RBFOX1: variants seen among roughly 807,000 people sequenced by gnomAD.
The protein encoded by RBFOX1 is RNA binding protein fox-1 homolog 1.
RBFOX1 carries 8 observed loss-of-function variants against 57.7 expected under a neutral mutation model. The ratio of observed to expected loss-of-function variants is 0.14; its 90% CI spans 0.08 to 0.25. RBFOX1 has a LOEUF of 0.25. Among genes scored for constraint, RBFOX1 ranks in the 10% least tolerant of loss-of-function variants. RBFOX1 has a pLI of 1.00. For synonymous variants in RBFOX1, 326 were observed against 222.4 expected, an observed-to-expected ratio of 1.47 and a Z score of -4.15; for missense variants, 611 against 548.5, an observed-to-expected ratio of 1.11 and a Z score of -1.14.
intron 4 of RBFOX1, among the ~76,000 whole-genome samples, chr16:7,242,666 T>A (rs2094124738): frequency 6.6e-6 from 1 of 152,182 alleles, no homozygotes; most frequent in Non-Finnish European, 1.5e-5. Flanking sequence ...CCAACATCCG[T>A]GCTTCGTGAT....
intron 3 of RBFOX1, among the ~76,000 whole-genome samples, chr16:6,840,374 C>A (rs2093391790): frequency 6.6e-6 from 1 of 152,152 alleles, no homozygotes; most frequent in Non-Finnish European, 1.5e-5. Flanking sequence ...TTTCAGGATT[C>A]CTGCGTTGGT....
intron 4 of RBFOX1, among the ~76,000 whole-genome samples, chr16:5,972,421 C>T (rs1035900664): frequency 6.6e-6 from 1 of 152,184 alleles, no homozygotes; most frequent in Non-Finnish European, 1.5e-5. Context: ...TTGAAAGAAA[C>T]CTCTCATTAT....
At chr16:7,450,950 T>C (rs1027992063) in intron 4 of RBFOX1, among the ~76,000 whole-genome samples, 1 of 152,170 alleles carries the variant, frequency 6.6e-6, no homozygotes. Flanking sequence ...GGAAGAGGCC[T>C]CTGCACATGA....
chr16:5,957,804 T>C (rs1341537781), intron 4 of RBFOX1, among the ~76,000 whole-genome samples: 2 of 152,178 alleles, frequency 1.3e-5, no homozygotes, highest in African/African-American at 2.4e-5. Flanking sequence ...CATTGATCCT[T>C]TGTGTTACAA....
chr16:7,576,541 T>C (rs56288457), intron 5 of RBFOX1, among the ~76,000 whole-genome samples: 47,429 of 151,976 alleles, frequency 0.31, 8,719 homozygotes, highest in East Asian at 0.53. Flanking sequence ...CAGGTATTTC[T>C]CCATAACAGT....
At chr16:6,927,457 A>T (rs2075808535) in intron 3 of RBFOX1, among the ~76,000 whole-genome samples, 1 of 144,510 alleles carries the variant, frequency 6.9e-6, no homozygotes, top group African/African-American at 2.5e-5. Context: ...GTCTCGTGTT[A>T]ACAGGCTGAT....
intron 1 of RBFOX1, among the ~76,000 whole-genome samples, chr16:5,454,854 T>TTTTCTTTCTTTC (rs200680272): frequency 9.2e-4 from 62 of 67,504 alleles, no homozygotes; most frequent in Middle Eastern, 0.014. Flanking sequence ...TCTTTCTTTC[T>TTTTCTTTCTTTC]TTTCTTTCTT....
intron 3 of RBFOX1, among the ~76,000 whole-genome samples, chr16:6,918,387 C>G (rs370740935): frequency 6.6e-6 from 1 of 151,988 alleles, no homozygotes; most frequent in African/African-American, 2.4e-5. Flanking sequence ...ACAAGCTACC[C>G]GGGTGATTCT....
intron 4 of RBFOX1, among the ~76,000 whole-genome samples, chr16:7,393,737 A>G (rs1006178800): frequency 2.0e-5 from 3 of 152,132 alleles, no homozygotes; most frequent in Admixed American, 6.5e-5. Context: ...CTTTGGCCAC[A>G]AGGTGTCCCC....
At chr16:6,973,784 ATTTTT>A (rs1009392694) in intron 3 of RBFOX1, among the ~76,000 whole-genome samples, 1 of 151,944 alleles carries the variant, frequency 6.6e-6, no homozygotes, top group African/African-American at 2.4e-5. Context: ...TTTAATTTTT[ATTTTT>A]TTAAGTTCCA....
chr16:5,817,757 C>CA (rs1428340122), intron 3 of RBFOX1, among the ~76,000 whole-genome samples: 1 of 149,444 alleles, frequency 6.7e-6, no homozygotes, highest in Non-Finnish European at 1.5e-5. Context: ...TACAGTGGCG[C>CA]AGTCTGGGCT....
chr16:5,853,326 G>T (rs1430991452), intron 3 of RBFOX1, among the ~76,000 whole-genome samples: 3 of 152,162 alleles, frequency 2.0e-5, no homozygotes, highest in East Asian at 3.9e-4. Flanking sequence ...AGAAGAGATT[G>T]CACAGTTAAA....
At chr16:6,967,063 A>G (rs12919250) in intron 3 of RBFOX1, among the ~76,000 whole-genome samples, 15 of 152,084 alleles carry the variant, frequency 9.9e-5, no homozygotes, top group Admixed American at 2.0e-4. Context: ...ATCTATCCAT[A>G]TATCTATACA....
At chr16:7,214,157 A>T (rs747823652) in intron 4 of RBFOX1, among the ~76,000 whole-genome samples, 1 of 152,068 alleles carries the variant, frequency 6.6e-6, no homozygotes, top group African/African-American at 2.4e-5. Context: ...ACAAGGAATT[A>T]TTATCTTTCT....
At chr16:5,910,014 C>G (rs2058568942) in intron 4 of RBFOX1, among the ~76,000 whole-genome samples, 1 of 151,878 alleles carries the variant, frequency 6.6e-6, no homozygotes, top group African/African-American at 2.4e-5. Flanking sequence ...GATTGTGCCA[C>G]TATACTCCAG....
At chr16:6,756,763 G>A (rs1294014428) in intron 3 of RBFOX1, among the ~76,000 whole-genome samples, 1 of 152,124 alleles carries the variant, frequency 6.6e-6, no homozygotes, top group African/African-American at 2.4e-5. Flanking sequence ...TGTGAGGTCA[G>A]GAGTTCGAGA....
intron 4 of RBFOX1, among the ~76,000 whole-genome samples, chr16:7,479,420 G>C (rs192689863): frequency 6.6e-6 from 1 of 152,106 alleles, no homozygotes; most frequent in African/African-American, 2.4e-5. Flanking sequence ...ATGAGCCGGG[G>C]TGCCTGGCCC....
chr16:7,023,508 C>T (rs59672577), intron 3 of RBFOX1, among the ~76,000 whole-genome samples: 3 of 133,298 alleles, frequency 2.3e-5, no homozygotes, highest in Non-Finnish European at 4.6e-5. Flanking sequence ...GGGTGGAGCA[C>T]TTGATGCCAG....
intron 3 of RBFOX1, among the ~76,000 whole-genome samples, chr16:7,032,882 C>T (rs1020975533): frequency 6.6e-5 from 10 of 152,150 alleles, no homozygotes; most frequent in African/African-American, 2.2e-4. Context: ...TCTCAAATTT[C>T]TGCAGCTGAG....
Sources: allele counts gnomAD v4.1 joint callset (sites outside exome capture counted in the v4.1 genomes callset), GRCh38; gene constraint gnomAD v4.1.1; transcripts MANE v1.5; gene names NCBI Gene and HGNC (gene_info 2026-07-23, HGNC 2026-07-21).